NCK1: variants seen among roughly 807,000 people sequenced by gnomAD.
The protein encoded by NCK1 is NCK adaptor protein 1.
In NCK1, 19 loss-of-function variants were observed where a neutral mutation model predicts 36.6. That is an observed-to-expected ratio of 0.52 (90% CI 0.36 to 0.76). NCK1 has a LOEUF of 0.76. Among genes scored for constraint, NCK1 ranks in the 30% least tolerant of loss-of-function variants. The pLI, the probability that NCK1 is intolerant of heterozygous loss-of-function variation, is 0.00. For missense variants in NCK1, 358 were observed against 445.6 expected (o/e 0.80, Z 1.77); for synonymous variants, 165 against 156.0 (o/e 1.06, Z -0.43).
intron 1 of NCK1, among the ~76,000 whole-genome samples, chr3:136,897,122 CCT>C (rs1939410584): frequency 3.3e-5 from 5 of 151,748 alleles, no homozygotes; most frequent in Admixed American, 3.3e-4. Flanking sequence ...AATCTCACTC[CCT>C]GTCACCTAGG....
chr3:136,895,281 A>G (rs1014708309), intron 1 of NCK1, among the ~76,000 whole-genome samples: 2 of 152,174 alleles, frequency 1.3e-5, no homozygotes, highest in Admixed American at 6.5e-5. Context: ...AACTGATGAT[A>G]GATGTGTATA....
chr3:136,881,435 G>A (rs1938933198), intron 1 of NCK1, among the ~76,000 whole-genome samples: 1 of 152,106 alleles, frequency 6.6e-6, no homozygotes, highest in Admixed American at 6.6e-5. Flanking sequence ...GGCCAGGCTG[G>A]TCTTGAACTC....
In NCK1 at chr3:136,867,049, T is replaced by TGC. The variant is rs141115464; in HGVS notation, c.-19+4696_-19+4697insGC. Among the ~76,000 whole-genome samples the TGC allele has an allele frequency of 7.6e-4, 26 of 34,298 alleles. No individual in the cohort carries two copies. The South Asian group carries it at 8.9e-3, about 12-fold the overall frequency. The allele number at this position is 34,298 out of a possible 152,430, so 22.5% of individuals were successfully genotyped here. On this transcript the variant is annotated intron_variant, in intron 1 of 3. Transcript: ENST00000481752. ...TTTCCTGTTCCCTATGTTGCTTGCTTTTCTTTCTTTCTTTCTTTCTTTCTT... is the reference window on the plus strand; with the variant it reads ...TTTCCTGTTCCCTATGTTGCTTGCTTGCTTCTTTCTTTCTTTCTTTCTTTCTT...
At chr3:136,868,275 A>G (rs9845460) in intron 1 of NCK1, among the ~76,000 whole-genome samples, 115,894 of 152,022 alleles carry the variant, frequency 0.76, 44,487 homozygotes, top group East Asian at 0.92. Flanking sequence ...TTTCCCCTAT[A>G]CTTGTTAGGT....
intron 1 of NCK1, among the ~76,000 whole-genome samples, chr3:136,873,854 GT>G (rs1441667593): frequency 6.6e-6 from 1 of 152,188 alleles, no homozygotes; most frequent in African/African-American, 2.4e-5. Flanking sequence ...CGCCATGATT[GT>G]GAGGCCTCTC....
At chr3:136,910,611 C>A (rs1012362185) in intron 1 of NCK1, among the ~76,000 whole-genome samples, 21 of 152,130 alleles carry the variant, frequency 1.4e-4, no homozygotes, top group Non-Finnish European at 3.1e-4. Context: ...CTGTTTGACT[C>A]CTCTTAGCAT....
chr3:136,868,686 G>C (rs1938519290), intron 1 of NCK1, among the ~76,000 whole-genome samples: 1 of 152,160 alleles, frequency 6.6e-6, no homozygotes, highest in African/African-American at 2.4e-5. Flanking sequence ...AGGTTTTACT[G>C]CTGCAATTTA....
chr3:136,909,455 C>G (rs141279605), intron 1 of NCK1, among the ~76,000 whole-genome samples: 1 of 152,298 alleles, frequency 6.6e-6, no homozygotes, highest in African/African-American at 2.4e-5. Flanking sequence ...TGAAACAAGG[C>G]TGTTTCCTCT....
intron 1 of NCK1, among the ~76,000 whole-genome samples, chr3:136,881,889 G>A (rs1487790527): frequency 6.6e-6 from 1 of 152,100 alleles, no homozygotes; most frequent in African/African-American, 2.4e-5. Context: ...ATATTCCATT[G>A]CTTATATATA....
At chr3:136,883,207 C>A (rs1938990605) in intron 1 of NCK1, among the ~76,000 whole-genome samples, 1 of 152,174 alleles carries the variant, frequency 6.6e-6, no homozygotes, top group African/African-American at 2.4e-5. Context: ...AGGCATGAGC[C>A]CCCATGCCCA....
chr3:136,873,130 G>A (rs1282969100), intron 1 of NCK1, among the ~76,000 whole-genome samples: 1 of 152,124 alleles, frequency 6.6e-6, no homozygotes, highest in Admixed American at 6.5e-5. Context: ...CCATGCGCCT[G>A]GAAAAGCTGC....
intron 1 of NCK1, chr3:136,900,114 T>C (rs971596411): frequency 2.5e-6 from 1 of 395,670 alleles, no homozygotes; most frequent in South Asian, 2.7e-5. Context: ...CTTCCCAAGT[T>C]CTTGTTGGCT....
chr3:136,913,695 A>G (rs6414337), intron 1 of NCK1, among the ~76,000 whole-genome samples: 115,523 of 151,832 alleles, frequency 0.76, 44,249 homozygotes, highest in East Asian at 0.92. Context: ...TTGAGACGGA[A>G]TCTCACTCTT....
rs1255519109 is a variant in NCK1 at position 136,928,233 on chromosome 3, A to G, written c.226+6A>G. ...AAACCTAAAGGATACCTTAGGTAAG[A>G]TATTTTTTAAAAGAAAAGCAACTTT... On this transcript the variant is annotated splice_donor_region_variant and intron_variant, in intron 2 of 3. Coordinates refer to ENST00000481752, the MANE Select transcript of NCK1 (RefSeq NM_001291999.2). The G allele has an allele frequency of 3.2e-6, 5 of 1,583,080 alleles. No homozygotes were observed. Among genetic ancestry groups the G allele is most frequent in the Middle Eastern group, 1.7e-4 (1 of 5,908 alleles).
chr3:136,898,425 GA>G (rs1009668766), intron 1 of NCK1, among the ~76,000 whole-genome samples: 13 of 146,384 alleles, frequency 8.9e-5, no homozygotes, highest in Non-Finnish European at 1.6e-4. Context: ...GTGGTATCAA[GA>G]AAAAAGCATT....
chr3:136,931,049 A>G (rs1331587905), intron 2 of NCK1, among the ~76,000 whole-genome samples: 1 of 152,096 alleles, frequency 6.6e-6, no homozygotes, highest in African/African-American at 2.4e-5. Context: ...ATCTTTAATA[A>G]AAACACTAGT....
chr3:136,932,314 T>TA (rs1350014422), intron 2 of NCK1, among the ~76,000 whole-genome samples: 1 of 152,084 alleles, frequency 6.6e-6, no homozygotes, highest in Non-Finnish European at 1.5e-5. Context: ...AACCCCAAAT[T>TA]TTTATTTATT....
chr3:136,917,711 C>T (rs895407129), intron 1 of NCK1, among the ~76,000 whole-genome samples: 10 of 152,132 alleles, frequency 6.6e-5, no homozygotes, highest in Admixed American at 1.3e-4. Flanking sequence ...AGGTAAAGGT[C>T]ACGTTTCTTT....
chr3:136,919,205 G>A (rs2108119956), intron 1 of NCK1, among the ~76,000 whole-genome samples: 1 of 152,138 alleles, frequency 6.6e-6, no homozygotes, highest in Non-Finnish European at 1.5e-5. Flanking sequence ...TGAATACAAA[G>A]CATAAAGCAA....
Sources: gnomAD v4.1 joint callset for allele counts (sites outside exome capture counted in the v4.1 genomes callset) on GRCh38, gnomAD v4.1.1 for gene constraint, MANE v1.5 for transcripts, NCBI Gene and HGNC (gene_info 2026-07-23, HGNC 2026-07-21) for gene names.